RBPJ: variants seen among roughly 807,000 people sequenced by gnomAD.
RBPJ encodes the protein recombining binding protein suppressor of hairless.
In RBPJ, 9 loss-of-function variants were observed where a neutral mutation model predicts 67.8. The observed-to-expected ratio is 0.13, with a 90% CI of 0.08 to 0.23. RBPJ has a LOEUF of 0.23. Among genes scored for constraint, RBPJ ranks in the 10% least tolerant of loss-of-function variants. The pLI is 1.00. For synonymous variants in RBPJ, 198 were observed against 203.3 expected (o/e 0.97, Z 0.22); for missense variants, 305 against 595.6 (o/e 0.51, Z 5.08).
At chr4:26,255,584 C>G (rs13121241) in intron 1 of RBPJ, among the ~76,000 whole-genome samples, 32 of 149,194 alleles carry the variant, frequency 2.1e-4, no homozygotes, top group African/African-American at 7.4e-4. Flanking sequence ...GGGCGGATCA[C>G]GAGGTCGGGA....
intron 1 of RBPJ, among the ~76,000 whole-genome samples, chr4:26,324,912 T>C (rs527866677): frequency 6.6e-6 from 1 of 152,338 alleles, no homozygotes; most frequent in South Asian, 2.1e-4. Flanking sequence ...AGTGATTAAT[T>C]TTAAATATGC....
intron 1 of RBPJ, among the ~76,000 whole-genome samples, chr4:26,312,961 C>T (rs79320414): frequency 0.12 from 18,345 of 152,180 alleles, 1,425 homozygotes; most frequent in East Asian, 0.34. Flanking sequence ...CTCTCTGTCT[C>T]GCCCAGGCTG....
At chr4:26,320,110 T>TA (rs1464046897), upstream of RBPJ, among the ~76,000 whole-genome samples, 1 of 152,128 alleles carries the variant, frequency 6.6e-6, no homozygotes, top group Non-Finnish European at 1.5e-5. Context: ...GATGGGGTCT[T>TA]AGAGAGGCCA....
chr4:26,222,494 CAAAAAAAAAA>C (rs35321984), intron 1 of RBPJ, among the ~76,000 whole-genome samples: 3 of 58,828 alleles, frequency 5.1e-5, no homozygotes, highest in Non-Finnish European at 1.1e-4. Context: ...AACTCAATCT[CAAAAAAAAAA>C]AAAAAAAAAA....
At chr4:26,259,955 A>G (rs1720473253) in intron 1 of RBPJ, among the ~76,000 whole-genome samples, 1 of 152,180 alleles carries the variant, frequency 6.6e-6, no homozygotes, top group African/African-American at 2.4e-5. Context: ...CATAAGTTTG[A>G]TCTTTATTCT....
chr4:26,374,520 G>A (rs1339022410), intron 1 of RBPJ, among the ~76,000 whole-genome samples: 1 of 151,160 alleles, frequency 6.6e-6, no homozygotes, highest in Non-Finnish European at 1.5e-5. Flanking sequence ...CTGTCACCAG[G>A]CTGGAGTGCA....
intron 1 of RBPJ, among the ~76,000 whole-genome samples, chr4:26,178,237 C>G (rs1043769370): frequency 1.3e-5 from 2 of 152,166 alleles, no homozygotes; most frequent in Admixed American, 1.3e-4. Context: ...CAGGTGTCTT[C>G]CAGAGGCCCC....
rs200484471 is a variant in RBPJ at position 26,374,255 on chromosome 4, GA to G, written c.21-12094del. ...ATGCTCTGCCATGTTTACAGCTTTA[GA>G]AAACATTTTCTTACTTCTAGTAATC... On this transcript the variant is annotated intron_variant, in intron 1 of 10. Transcript: ENST00000355476. 7.9e-3 allele frequency among the ~76,000 whole-genome samples: 1,200 copies of G among 152,056 alleles called. 16 individuals carry two copies. The highest frequency in any genetic ancestry group is 0.027 in the African/African-American group (1,129 of 41,482).
At chr4:26,220,551 T>C (rs1718867540) in intron 1 of RBPJ, among the ~76,000 whole-genome samples, 1 of 152,202 alleles carries the variant, frequency 6.6e-6, no homozygotes, top group Admixed American at 6.5e-5. Flanking sequence ...TCGGTTACTT[T>C]GTTGCAAAAC....
intron 1 of RBPJ, among the ~76,000 whole-genome samples, chr4:26,277,608 G>A (rs995215884): frequency 6.6e-6 from 1 of 152,246 alleles, no homozygotes; most frequent in African/African-American, 2.4e-5. Flanking sequence ...TGGATGGTGT[G>A]TTGGACACAC....
intron 1 of RBPJ, among the ~76,000 whole-genome samples, chr4:26,287,584 G>GAA (rs1451578883): frequency 1.5e-4 from 3 of 19,494 alleles, no homozygotes. Flanking sequence ...GAAAGGACAG[G>GAA]AGAGGAGAGG....
chr4:26,109,475 T>TACAC, the RBPJ span, among the ~76,000 whole-genome samples: 3 of 49,818 alleles, frequency 6.0e-5, no homozygotes, highest in Non-Finnish European at 1.2e-4. Flanking sequence ...TATATATATA[T>TACAC]ATATATATAT....
chr4:26,393,921 G>T (rs1296946275), intron 2 of RBPJ, among the ~76,000 whole-genome samples: 1 of 151,940 alleles, frequency 6.6e-6, no homozygotes, highest in Admixed American at 6.6e-5. Flanking sequence ...TGTTGTGAAG[G>T]TCATCTTTTA....
At chr4:26,353,714 T>A (rs1165086800) in intron 1 of RBPJ, among the ~76,000 whole-genome samples, 1 of 151,350 alleles carries the variant, frequency 6.6e-6, no homozygotes, top group African/African-American at 2.4e-5. Flanking sequence ...GTTCAAGCAA[T>A]TCTCCTGCCT....
At chr4:26,297,971 G>T (rs1462090122) in intron 1 of RBPJ, among the ~76,000 whole-genome samples, 2 of 151,788 alleles carry the variant, frequency 1.3e-5, no homozygotes. Context: ...TGGAAGGGAG[G>T]TACTATTTTA....
intron 1 of RBPJ, among the ~76,000 whole-genome samples, chr4:26,269,079 C>T (rs1720795075): frequency 6.6e-6 from 1 of 152,068 alleles, no homozygotes; most frequent in Non-Finnish European, 1.5e-5. Context: ...TGAGATTGGT[C>T]ACTGAGCCCC....
intron 1 of RBPJ, among the ~76,000 whole-genome samples, chr4:26,169,084 C>G (rs1009632569): frequency 3.3e-5 from 5 of 152,248 alleles, no homozygotes; most frequent in African/African-American, 1.2e-4. Flanking sequence ...CAAAGTCATT[C>G]TCTGTCCAGC....
chr4:26,124,124 G>A, the RBPJ span, among the ~76,000 whole-genome samples: 2 of 151,834 alleles, frequency 1.3e-5, no homozygotes, highest in East Asian at 1.9e-4. Flanking sequence ...CCTTGGTGGC[G>A]ATTTGTGAGA....
intron 1 of RBPJ, chr4:26,322,806 G>C (rs1173573747): frequency 1.3e-5 from 2 of 151,804 alleles, no homozygotes; most frequent in African/African-American, 4.8e-5. Flanking sequence ...GAATGGGGGT[G>C]GGGGGTGTGG....
Sources: allele counts gnomAD v4.1 joint callset (sites outside exome capture counted in the v4.1 genomes callset), GRCh38; gene constraint gnomAD v4.1.1; transcripts MANE v1.5; gene names NCBI Gene and HGNC (gene_info 2026-07-23, HGNC 2026-07-21).